The following ZFPM2 variants were observed in gnomAD, a reference collection of about 807,000 sequenced individuals.
The protein encoded by ZFPM2 is zinc finger protein, FOG family member 2.
ZFPM2 carries 20 observed loss-of-function variants against 98.6 expected under a neutral mutation model. The ratio of observed to expected loss-of-function variants is 0.20; its 90% CI spans 0.14 to 0.29. ZFPM2 has a LOEUF of 0.29. Among genes scored for constraint, ZFPM2 ranks in the 10% least tolerant of loss-of-function variants. The pLI, the probability that ZFPM2 is intolerant of heterozygous loss-of-function variation, is 1.00. For missense variants in ZFPM2, 1,310 were observed against 1,388.6 expected (o/e 0.94, Z 0.90); for synonymous variants, 518 against 502.7 (o/e 1.03, Z -0.41).
In ZFPM2 at chr8:105,405,776, A is replaced by G. The variant is rs372776128; in HGVS notation, c.41-13368A>G. 3.3e-5 allele frequency among the ~76,000 whole-genome samples: 5 copies of G among 152,136 alleles called. No individual in the cohort carries two copies. The South Asian group carries it at 6.2e-4, about 19-fold the overall frequency. The stretch of plus-strand genomic sequence containing the variant: ...TGTCTTTATAACAGCATGATTTATA[A>G]TCCTTTGGGTATATACCCAGTAATG... On this transcript the variant is annotated intron_variant, in intron 1 of 7. Transcript: ENST00000407775.
At chr8:105,689,638 T>C (rs548887112) in intron 5 of ZFPM2, among the ~76,000 whole-genome samples, 132 of 152,268 alleles carry the variant, frequency 8.7e-4, no homozygotes, top group African/African-American at 3.0e-3. Context: ...ATTAAGTTGG[T>C]GGTGTTCATG....
At chr8:105,479,030 A>AT (rs540890027) in intron 3 of ZFPM2, among the ~76,000 whole-genome samples, 119 of 152,228 alleles carry the variant, frequency 7.8e-4, no homozygotes, top group African/African-American at 2.1e-3. Context: ...AAATGGAAAT[A>AT]TTTTTTTACA....
At chr8:105,584,349 G>A (rs1586479614) in intron 4 of ZFPM2, among the ~76,000 whole-genome samples, 2 of 151,866 alleles carry the variant, frequency 1.3e-5, no homozygotes, top group African/African-American at 4.8e-5. Flanking sequence ...TATATCCTAT[G>A]TATTCTAACA....
At chr8:105,727,666 C>T (rs1314037351) in intron 5 of ZFPM2, among the ~76,000 whole-genome samples, 1 of 151,626 alleles carries the variant, frequency 6.6e-6, no homozygotes, top group Non-Finnish European at 1.5e-5. Context: ...TTATAGTGTT[C>T]CCCTCATTGC....
At chr8:105,410,401 G>A (rs760132786) in intron 1 of ZFPM2, among the ~76,000 whole-genome samples, 68 of 151,898 alleles carry the variant, frequency 4.5e-4, no homozygotes, top group Non-Finnish European at 8.3e-4. Flanking sequence ...TTTTAGTGTT[G>A]TTTGGCTACT....
chr8:105,763,475 G>A (rs1207865124), intron 5 of ZFPM2, among the ~76,000 whole-genome samples: 1 of 151,842 alleles, frequency 6.6e-6, no homozygotes, highest in African/African-American at 2.4e-5. Flanking sequence ...CCTAGTTAAA[G>A]CTTCCAGGAA....
intron 3 of ZFPM2, among the ~76,000 whole-genome samples, chr8:105,517,653 C>A (rs4734872): frequency 6.7e-6 from 1 of 149,888 alleles, no homozygotes; most frequent in African/African-American, 2.5e-5. Flanking sequence ...AGTTTGAGAC[C>A]AGCCTGGGGA....
At chr8:105,719,596 T>C (rs1166039681) in intron 5 of ZFPM2, among the ~76,000 whole-genome samples, 3 of 151,910 alleles carry the variant, frequency 2.0e-5, no homozygotes, top group Non-Finnish European at 4.4e-5. Context: ...GGCGATAATA[T>C]TAGAACCTTA....
chr8:105,726,958 G>T (rs764737548), intron 5 of ZFPM2, among the ~76,000 whole-genome samples: 2 of 151,666 alleles, frequency 1.3e-5, no homozygotes, highest in Non-Finnish European at 3.0e-5. Flanking sequence ...ACATGTAAAG[G>T]AATGTGACAA....
chr8:105,760,932 G>T (rs1377979653), intron 5 of ZFPM2, among the ~76,000 whole-genome samples: 1 of 151,934 alleles, frequency 6.6e-6, no homozygotes, highest in Admixed American at 6.6e-5. Context: ...ACAACCATAG[G>T]AAGTATGAGA....
chr8:105,603,334 A>G (rs1406281192), intron 4 of ZFPM2, among the ~76,000 whole-genome samples: 2 of 152,134 alleles, frequency 1.3e-5, no homozygotes, highest in Non-Finnish European at 2.9e-5. Context: ...GCAAATATAC[A>G]TAATATACTA....
chr8:105,717,343 G>A (rs79036565), intron 5 of ZFPM2, among the ~76,000 whole-genome samples: 1 of 151,898 alleles, frequency 6.6e-6, no homozygotes, highest in African/African-American at 2.4e-5. Context: ...CCACCACAGA[G>A]CTCACTCATC....
chr8:105,766,555 G>A (rs564034468), intron 5 of ZFPM2, among the ~76,000 whole-genome samples: 5 of 152,012 alleles, frequency 3.3e-5, no homozygotes, highest in Non-Finnish European at 5.9e-5. Context: ...TAGGCATTGA[G>A]AGGTAGAGTT....
At chr8:105,521,102 G>A (rs4734873) in intron 3 of ZFPM2, among the ~76,000 whole-genome samples, 60,212 of 151,194 alleles carry the variant, frequency 0.4, 14,732 homozygotes, top group African/African-American at 0.7. Flanking sequence ...CTGAAATCCT[G>A]TAAAATTTGT....
At chr8:105,425,064 G>A (rs889205329) in intron 2 of ZFPM2, among the ~76,000 whole-genome samples, 11 of 152,148 alleles carry the variant, frequency 7.2e-5, no homozygotes, top group Non-Finnish European at 7.4e-5. Flanking sequence ...TACCTATGAG[G>A]TTAGTGTTAT....
At chr8:105,512,039 G>A (rs1334320851) in intron 3 of ZFPM2, among the ~76,000 whole-genome samples, 2 of 152,080 alleles carry the variant, frequency 1.3e-5, no homozygotes, top group Non-Finnish European at 2.9e-5. Context: ...CCAGCTACTC[G>A]GGAGGCTGAG....
At chr8:105,366,957 C>G (rs1338795947) in intron 1 of ZFPM2, among the ~76,000 whole-genome samples, 1 of 143,166 alleles carries the variant, frequency 7.0e-6, no homozygotes, top group Admixed American at 6.9e-5. Context: ...AGCCAGTTTT[C>G]CCAGCACCAT....
At chr8:105,620,487 G>A (rs1415214550) in intron 4 of ZFPM2, among the ~76,000 whole-genome samples, 1 of 152,128 alleles carries the variant, frequency 6.6e-6, no homozygotes, top group African/African-American at 2.4e-5. Flanking sequence ...TAGGTTGTCT[G>A]TTCACTCTGA....
chr8:105,673,804 G>A (rs942907758), intron 5 of ZFPM2, among the ~76,000 whole-genome samples: 2 of 152,176 alleles, frequency 1.3e-5, no homozygotes, highest in African/African-American at 2.4e-5. Context: ...TTAATGAAAT[G>A]TATGACAACT....
Sources: allele counts gnomAD v4.1 joint callset (sites outside exome capture counted in the v4.1 genomes callset), GRCh38; gene constraint gnomAD v4.1.1; transcripts MANE v1.5; gene names NCBI Gene and HGNC (gene_info 2026-07-23, HGNC 2026-07-21).